The following FMN1 variants were observed in gnomAD, a reference collection of about 807,000 sequenced individuals.
FMN1 encodes formin-1.
In FMN1, 110 loss-of-function variants were observed where a neutral mutation model predicts 132.4. The ratio of observed to expected loss-of-function variants is 0.83; its 90% CI spans 0.71 to 0.97. The LOEUF is 0.97. FMN1 is among the 50% of genes least tolerant of loss of function. FMN1 has a pLI of 0.00. For missense variants in FMN1, 1,792 were observed against 1,705.3 expected (o/e 1.05, Z -0.90); for synonymous variants, 722 against 651.7 (o/e 1.11, Z -1.64).
intron 6 of FMN1, among the ~76,000 whole-genome samples, chr15:33,019,142 C>T (rs1405214199): frequency 6.6e-6 from 1 of 152,080 alleles, no homozygotes; most frequent in African/African-American, 2.4e-5. Context: ...GCTGATTGGT[C>T]TGTTTTACAG....
rs545126559 is a variant in FMN1, at chr15:33,042,627, G to C, written c.2161+22330C>G. ...TAAACAAGAGTGTTGGTACTACACA[G>C]TCTCAGAGCAAGAGTGAAGGATTTA... On this transcript the variant is annotated intron_variant, in intron 6 of 20. Transcript: ENST00000616417. 3.3e-5 allele frequency among the ~76,000 whole-genome samples: 5 copies of C among 152,292 alleles called. No individual in the cohort carries two copies. The East Asian group carries it at 9.6e-4, about 29-fold the overall frequency.
At chr15:33,066,676 C>T (rs1250710946) in intron 5 of FMN1, 13 of 1,613,688 alleles carry the variant, frequency 8.1e-6, no homozygotes, top group Non-Finnish European at 9.3e-6. Context: ...CTTTAAAAGC[C>T]TCCAGGGCTG....
chr15:32,866,492 T>C lies in FMN1; in HGVS notation c.3836-9385A>G, dbSNP rs540148517. Among the ~76,000 whole-genome samples the C allele has an allele frequency of 5.9e-5, 9 of 152,362 alleles. No individual in the cohort carries two copies. In the South Asian group the frequency reaches 6.2e-4, roughly 11 times the overall value. ...CAGTAGAAAGGCTGGCTAGATAACA[T>C]ACTGTACGCGGCTTTATTCTTTGTT... is the stretch of plus-strand genomic sequence containing the variant. On this transcript the variant is annotated intron_variant, in intron 16 of 20. Transcript: ENST00000616417.
chr15:32,909,072 T>C (rs2060496212), intron 11 of FMN1, among the ~76,000 whole-genome samples: 2 of 152,220 alleles, frequency 1.3e-5, no homozygotes, highest in Admixed American at 6.5e-5. Flanking sequence ...ATTTTGGCAT[T>C]GAGTCACTTA....
intron 12 of FMN1, 63 bp downstream of exon 12, chr15:32,908,427 G>T: frequency 1.9e-6 from 2 of 1,064,586 alleles, no homozygotes; most frequent in Middle Eastern, 2.0e-4. Flanking sequence ...TGAGCTGGGA[G>T]ACAAGAAGAC....
intron 3 of FMN1, among the ~76,000 whole-genome samples, chr15:33,171,502 AT>A (rs1566965360): frequency 6.6e-6 from 1 of 151,128 alleles, no homozygotes; most frequent in East Asian, 1.9e-4. Flanking sequence ...TTATATGTCG[AT>A]TAAAAAAACT....
chr15:32,953,314 T>C (rs1488695846), intron 9 of FMN1, among the ~76,000 whole-genome samples: 1 of 152,214 alleles, frequency 6.6e-6, no homozygotes, highest in Non-Finnish European at 1.5e-5. Context: ...TGGCTAACCT[T>C]GCTGCCCTAA....
intron 16 of FMN1, among the ~76,000 whole-genome samples, chr15:32,883,567 G>T (rs1230485082): frequency 8.4e-6 from 1 of 118,900 alleles, no homozygotes; most frequent in Non-Finnish European, 1.7e-5. Flanking sequence ...GGTAAGTAAT[G>T]ACATGTGGCC....
chr15:32,886,363 C>T (rs1567327111), intron 16 of FMN1, among the ~76,000 whole-genome samples: 1 of 152,092 alleles, frequency 6.6e-6, no homozygotes, highest in Non-Finnish European at 1.5e-5. Context: ...GTTTTCTTTC[C>T]TAAGGCCGCT....
At chr15:32,843,686 G>A (rs922282858) in intron 17 of FMN1, among the ~76,000 whole-genome samples, 1 of 152,120 alleles carries the variant, frequency 6.6e-6, no homozygotes, top group Non-Finnish European at 1.5e-5. Flanking sequence ...GTGGGCAGAC[G>A]GTTTGGTTAT....
chr15:33,079,878 TA>T (rs1020361214), intron 5 of FMN1, among the ~76,000 whole-genome samples: 113 of 152,336 alleles, frequency 7.4e-4, no homozygotes, highest in African/African-American at 2.6e-3. Flanking sequence ...GAGGAATTTG[TA>T]AAAAACAATG....
intron 16 of FMN1, among the ~76,000 whole-genome samples, chr15:32,864,132 T>G (rs1212392963): frequency 1.3e-5 from 2 of 152,188 alleles, no homozygotes; most frequent in Non-Finnish European, 2.9e-5. Context: ...TAAGGCCATA[T>G]AGAAAAGGCC....
chr15:32,796,282 C>A (rs1385018652), intron 19 of FMN1, among the ~76,000 whole-genome samples: 1 of 152,202 alleles, frequency 6.6e-6, no homozygotes, highest in African/African-American at 2.4e-5. Context: ...TTCCATGAAA[C>A]CTGTCCCTTT....
chr15:33,150,629 C>G, intron 4 of FMN1: 2 of 985,498 alleles, frequency 2.0e-6, no homozygotes, highest in Non-Finnish European at 2.4e-6. Context: ...GCGGGTTTCA[C>G]TGGTTCCTGG....
chr15:32,896,100 T>A (rs1018436493), intron 15 of FMN1, among the ~76,000 whole-genome samples: 4 of 152,110 alleles, frequency 2.6e-5, no homozygotes, highest in Non-Finnish European at 5.9e-5. Context: ...TAATTCAATT[T>A]CTTCCTCTTA....
intron 17 of FMN1, among the ~76,000 whole-genome samples, chr15:32,827,668 C>T (rs112552993): frequency 5.3e-5 from 8 of 151,706 alleles, no homozygotes; most frequent in Non-Finnish European, 7.4e-5. Context: ...GGCTAACATC[C>T]GTCGCTACTA....
chr15:32,900,491 A>T (rs1339837146), intron 13 of FMN1, among the ~76,000 whole-genome samples: 2 of 152,258 alleles, frequency 1.3e-5, no homozygotes, highest in Non-Finnish European at 2.9e-5. Flanking sequence ...ACTTCTAGGT[A>T]GAAAGGGGTT....
Position 33,154,864 on chromosome 15 carries a change from G to C in FMN1, c.51C>G (p.Leu17=), listed in dbSNP as rs1964609005. 6.5e-7 allele frequency: 1 copy of C among 1,536,130 alleles called. No homozygotes were observed. Among genetic ancestry groups the C allele is most frequent in the African/African-American group, 1.4e-5 (1 of 73,016 alleles). ...TLQLHKPITE[L]CYISFCLPKG... ...TTGGAAGACAGAAGCTGATGTAGCA[G>C]AGTTCCGTAATGGGCTTATGCAATT... Residue 17 remains leucine, a synonymous_variant, in exon 4 of 21, where the codon CTC becomes CTG. Coordinates refer to ENST00000616417, the MANE Select transcript of FMN1 (RefSeq NM_001277313.2).
intron 4 of FMN1, among the ~76,000 whole-genome samples, chr15:33,134,529 T>G (rs914360850): frequency 1.3e-5 from 2 of 152,236 alleles, no homozygotes; most frequent in Non-Finnish European, 2.9e-5. Flanking sequence ...ATGGGAGTTC[T>G]AGATCCGCTA....
Sources: allele counts gnomAD v4.1 joint callset (sites outside exome capture counted in the v4.1 genomes callset), GRCh38; gene constraint gnomAD v4.1.1; transcripts MANE v1.5; gene names NCBI Gene and HGNC (gene_info 2026-07-23, HGNC 2026-07-21).